The following CSMD1 variants were observed in gnomAD, a reference collection of about 807,000 sequenced individuals.
CSMD1 encodes the protein CUB and sushi domain-containing protein 1.
In CSMD1, 213 loss-of-function variants were observed where a neutral mutation model predicts 417.5. The ratio of observed to expected loss-of-function variants is 0.51; its 90% CI spans 0.46 to 0.57. The LOEUF (loss-of-function observed/expected upper bound fraction) is 0.57, where lower values mean the gene tolerates loss of function less well. Ranked by LOEUF, CSMD1 falls within the 20% of genes least tolerant of loss-of-function variation. CSMD1 has a pLI of 0.00. For missense variants in CSMD1, 6,923 were observed against 4,529.7 expected (o/e 1.53, Z -15.17); for synonymous variants, 2,862 against 1,736.8 (o/e 1.65, Z -16.11).
chr8:3,534,147 C>A (rs1318681782), intron 10 of CSMD1, among the ~76,000 whole-genome samples: 2 of 152,174 alleles, frequency 1.3e-5, no homozygotes, highest in African/African-American at 2.4e-5. Context: ...TGTGAAATAA[C>A]AAATACCCTT....
intron 3 of CSMD1, among the ~76,000 whole-genome samples, chr8:4,294,410 T>C (rs1797552618): frequency 6.6e-6 from 1 of 152,188 alleles, no homozygotes; most frequent in South Asian, 2.1e-4. Context: ...TGTACTTGAA[T>C]AGCTAATGTT....
chr8:4,891,043 A>T (rs997987456), intron 1 of CSMD1, among the ~76,000 whole-genome samples: 1 of 152,130 alleles, frequency 6.6e-6, no homozygotes, highest in African/African-American at 2.4e-5. Context: ...GGTTCCATTC[A>T]TTACATGCCC....
At chr8:4,071,433 A>G (rs2552124) in intron 3 of CSMD1, among the ~76,000 whole-genome samples, 40,868 of 151,988 alleles carry the variant, frequency 0.27, 5,653 homozygotes, top group South Asian at 0.4. Flanking sequence ...TTAATTATTC[A>G]TTTGATTTTC....
chr8:3,697,881 T>C (rs1309901936), intron 7 of CSMD1, among the ~76,000 whole-genome samples: 3 of 152,126 alleles, frequency 2.0e-5, no homozygotes, highest in African/African-American at 2.4e-5. Context: ...ATGTGCTCTC[T>C]AGCCATTACG....
chr8:4,271,676 GTA>G (rs1804606368), intron 3 of CSMD1, among the ~76,000 whole-genome samples: 1 of 152,056 alleles, frequency 6.6e-6, no homozygotes, highest in African/African-American at 2.4e-5. Flanking sequence ...CCACTTTAAG[GTA>G]TACATCACTA....
intron 51 of CSMD1, among the ~76,000 whole-genome samples, chr8:3,023,142 T>G (rs1219952283): frequency 4.6e-5 from 7 of 152,208 alleles, no homozygotes; most frequent in Non-Finnish European, 2.9e-5. Flanking sequence ...CATCTGCTGA[T>G]AAACACAGGC....
At chr8:4,068,947 A>G (rs1267554218) in intron 3 of CSMD1, among the ~76,000 whole-genome samples, 1 of 152,180 alleles carries the variant, frequency 6.6e-6, no homozygotes, top group African/African-American at 2.4e-5. Flanking sequence ...TCTTAGCAAA[A>G]TTTACAATTT....
intron 3 of CSMD1, among the ~76,000 whole-genome samples, chr8:4,113,310 T>A (rs761600220): frequency 6.6e-6 from 1 of 150,532 alleles, no homozygotes; most frequent in Non-Finnish European, 1.5e-5. Flanking sequence ...GAGAAAGACA[T>A]GTCAAAAAAA....
chr8:3,336,857 C>G (rs766658369), intron 23 of CSMD1, among the ~76,000 whole-genome samples: 1 of 152,100 alleles, frequency 6.6e-6, no homozygotes, highest in Admixed American at 6.6e-5. Flanking sequence ...TGACCTTAAT[C>G]TGTAGCATGT....
intron 18 of CSMD1, among the ~76,000 whole-genome samples, chr8:3,376,906 G>C (rs747826280): frequency 1.3e-5 from 2 of 152,132 alleles, no homozygotes; most frequent in Non-Finnish European, 2.9e-5. Flanking sequence ...AAGATTTGAA[G>C]GGTAATGAGA....
chr8:3,788,225 G>C (rs2623669), intron 5 of CSMD1, among the ~76,000 whole-genome samples: 1 of 152,032 alleles, frequency 6.6e-6, no homozygotes, highest in Admixed American at 6.5e-5. Flanking sequence ...GGATTTAACA[G>C]GCATAGACCT....
At chr8:3,930,335 C>T (rs1001491504) in intron 5 of CSMD1, among the ~76,000 whole-genome samples, 1 of 150,556 alleles carries the variant, frequency 6.6e-6, no homozygotes, top group Non-Finnish European at 1.5e-5. Flanking sequence ...TAAATATCTG[C>T]CAGCCATAAT....
intron 12 of CSMD1, among the ~76,000 whole-genome samples, chr8:3,429,086 C>A (rs1814042192): frequency 6.6e-6 from 1 of 152,000 alleles, no homozygotes. Flanking sequence ...TGCAGGGTCT[C>A]AGGTAGAAGT....
chr8:4,946,691 C>A (rs1409015001), intron 1 of CSMD1, among the ~76,000 whole-genome samples: 1 of 152,182 alleles, frequency 6.6e-6, no homozygotes, highest in Non-Finnish European at 1.5e-5. Flanking sequence ...TTGTATTATT[C>A]ACTCACTCTC....
At chr8:3,965,514 C>A (rs751076507) in intron 5 of CSMD1, among the ~76,000 whole-genome samples, 1 of 152,058 alleles carries the variant, frequency 6.6e-6, no homozygotes, top group African/African-American at 2.4e-5. Flanking sequence ...AACTATGGTT[C>A]GGCTGAAACA....
intron 26 of CSMD1, among the ~76,000 whole-genome samples, chr8:3,251,628 G>A (rs1362935010): frequency 6.6e-6 from 1 of 152,108 alleles, no homozygotes; most frequent in East Asian, 1.9e-4. Flanking sequence ...GATGGGGATG[G>A]CTTTGAATCT....
At chr8:3,178,065 A>C (rs777506655) in intron 37 of CSMD1, among the ~76,000 whole-genome samples, 13 of 152,204 alleles carry the variant, frequency 8.5e-5, no homozygotes, top group Non-Finnish European at 4.4e-5. Flanking sequence ...TGGATTCTGT[A>C]AGATTACAAA....
At chr8:4,196,069 G>T (rs1409220054) in intron 3 of CSMD1, among the ~76,000 whole-genome samples, 4 of 152,060 alleles carry the variant, frequency 2.6e-5, no homozygotes, top group South Asian at 2.1e-4. Context: ...AAATTAGCCG[G>T]GCGTGGTGAC....
chr8:2,991,376 T>A (rs1282212353), intron 54 of CSMD1, among the ~76,000 whole-genome samples: 1 of 152,236 alleles, frequency 6.6e-6, no homozygotes, highest in Non-Finnish European at 1.5e-5. Context: ...GTTGGAGATT[T>A]TTTTGGCAAT....
Sources: allele counts gnomAD v4.1 joint callset (sites outside exome capture counted in the v4.1 genomes callset), GRCh38; gene constraint gnomAD v4.1.1; transcripts MANE v1.5; gene names NCBI Gene and HGNC (gene_info 2026-07-23, HGNC 2026-07-21).